CD6: variants seen among roughly 807,000 people sequenced by gnomAD.
CD6 encodes the protein T-cell differentiation antigen CD6.
A neutral mutation model predicts 75.3 loss-of-function variants in CD6; 53 were observed. The ratio of observed to expected loss-of-function variants is 0.70; its 90% CI spans 0.56 to 0.88. CD6 has a LOEUF of 0.88. Ranked by LOEUF, CD6 falls within the 40% of genes least tolerant of loss-of-function variation. The pLI, the probability that CD6 is intolerant of heterozygous loss-of-function variation, is 0.00. For missense variants in CD6, 770 were observed against 897.1 expected, an observed-to-expected ratio of 0.86 and a Z score of 1.81; for synonymous variants, 359 against 381.5, an observed-to-expected ratio of 0.94 and a Z score of 0.69.
chr11:61,007,780 C>G lies in CD6; in HGVS notation c.339C>G (p.Thr113=), dbSNP rs1313742227. 8.1e-6 allele frequency: 12 copies of G among 1,472,434 alleles called. No homozygotes were observed. The highest frequency in any genetic ancestry group is 1.8e-6 in the Non-Finnish European group (2 of 1,113,578). 91.2% of individuals were successfully genotyped at this position (1,472,434 alleles called of 1,614,324 possible). ...CGCCCCCGCCTGCAGCCGGGAACACCAGCGTAGCAGCTAATGCCACTCTGG... is the reference window on the plus strand; with the variant it reads ...CGCCCCCGCCTGCAGCCGGGAACACGAGCGTAGCAGCTAATGCCACTCTGG... The part of the protein sequence containing the change: ...ELPPPPAAGN[T]SVAANATLAG... The change falls in exon 3 of 13, where the codon ACC becomes ACG. Residue 113 remains threonine, a synonymous_variant. Coordinates refer to ENST00000313421, the MANE Select transcript of CD6 (RefSeq NM_006725.5). This position sits in a 1 kb window ranked among gnomAD's most constrained non-coding sequence, Gnocchi z 4.2.
intron 1 of CD6, among the ~76,000 whole-genome samples, chr11:60,981,678 G>C (rs1022645910): frequency 1.3e-5 from 2 of 152,184 alleles, no homozygotes. Flanking sequence ...GACTGGGACC[G>C]GGCAGGCGCT....
At position 61,009,675 on chromosome 11, in the gene CD6, C is replaced by T; in HGVS notation, c.885C>T (p.Tyr295=). 1.2e-6 allele frequency: 2 copies of T among 1,614,064 alleles called. No homozygotes were observed. Among genetic ancestry groups the T allele is most frequent in the Non-Finnish European group, 1.7e-6 (2 of 1,180,014 alleles). Reference sequence around the variant, plus strand: ...ACACAGTGTGTGACAGTGAGTGGTACCCATCGGAGGCCAAGGTGCTCTGCC... The same window carrying T: ...ACACAGTGTGTGACAGTGAGTGGTATCCATCGGAGGCCAAGGTGCTCTGCC... ...VWNTVCDSEW[Y]PSEAKVLCQS... The change falls in exon 5 of 13, where the codon TAC becomes TAT. Residue 295 remains tyrosine, a synonymous_variant. Transcript: ENST00000313421.
chr11:60,982,820 A>C (rs1857629786), intron 1 of CD6: 4 of 341,734 alleles, frequency 1.2e-5, no homozygotes, highest in South Asian at 6.8e-5. Context: ...AGGGCTGAGA[A>C]GCCCAGTCTG....
chr11:61,014,923 G>A (rs117386571), intron 8 of CD6, among the ~76,000 whole-genome samples: 58 of 152,230 alleles, frequency 3.8e-4, no homozygotes, highest in Non-Finnish European at 6.0e-4. Context: ...CCTTTGCACA[G>A]AGAGTCCATA....
chr11:61,005,950 A>G (rs1359245655), intron 1 of CD6, among the ~76,000 whole-genome samples: 1 of 150,522 alleles, frequency 6.6e-6, no homozygotes, highest in Non-Finnish European at 1.5e-5. Context: ...AAAAAGAAAG[A>G]AAGAAAGAAA....
chr11:61,018,968 G>A, intron 12 of CD6: 1 of 391,994 alleles, frequency 2.6e-6, no homozygotes. Context: ...CAGCTGGTTG[G>A]CTCCTTGGGG....
At position 61,009,768 on chromosome 11, in the gene CD6, G is replaced by A. The variant is rs776993407; in HGVS notation, c.978G>A (p.Met326Ile). 1.6e-5 allele frequency: 26 copies of A among 1,613,554 alleles called. No individual in the cohort carries two copies. The highest frequency in any genetic ancestry group is 1.7e-6 in the Non-Finnish European group (2 of 1,179,874). The stretch of plus-strand genomic sequence containing the variant: ...TGCCCCACTCCTTGTCCGGCAGGAT[G>A]TACTACTCATGCAATGGGGAGGAGC... ...KGLPHSLSGR[M>I]YYSCNGEELT... is the part of the protein sequence containing the mutation. Residue 326 changes from methionine to isoleucine, a missense_variant, in exon 5 of 13, where the codon ATG (methionine) becomes ATA (isoleucine). Met to Ile is a conservative substitution (Grantham distance 10). Coordinates refer to ENST00000313421, the MANE Select transcript of CD6 (RefSeq NM_006725.5).
Position 61,013,974 on chromosome 11 carries a change from C to G in CD6, c.1347C>G (p.Ser449Arg), listed in dbSNP as rs773782815. The change falls in exon 8 of 13, where the codon AGC (serine) becomes AGG (arginine). Residue 449 changes from serine (S) to arginine (R), a missense_variant. Physicochemically the swap from Ser to Arg is moderately radical, Grantham distance 110. Coordinates refer to ENST00000313421, the MANE Select transcript of CD6 (RefSeq NM_006725.5). ...QHLPTTIPAGSNSYQPVPITI... is the reference protein window; with the variant it reads ...QHLPTTIPAGRNSYQPVPITI... ...TACCCACCACCATCCCGGCAGGGAG[C>G]AATAGCTATCAACCGGTCCCCATCA... The G allele has an allele frequency of 1.2e-6, 2 of 1,613,752 alleles. No individual in the cohort carries two copies. Among genetic ancestry groups the G allele is most frequent in the Admixed American group, 3.3e-5 (2 of 59,946 alleles).
chr11:61,005,134 T>C (rs960127029), intron 1 of CD6, among the ~76,000 whole-genome samples: 8 of 152,218 alleles, frequency 5.3e-5, no homozygotes, highest in Admixed American at 2.6e-4. Context: ...CACGCATCAG[T>C]TGGGTTCCCA....
chr11:60,976,780 C>T (rs1392953919), intron 1 of CD6, among the ~76,000 whole-genome samples: 1 of 152,180 alleles, frequency 6.6e-6, no homozygotes, highest in Non-Finnish European at 1.5e-5. Flanking sequence ...GGCTCCTTGA[C>T]CTATGAACTC....
chr11:61,007,545 G>A lies in CD6; in HGVS notation c.119-15G>A, dbSNP rs1257238563. 2 of 1,469,424 alleles carry A rather than the reference G, an allele frequency of 1.4e-6. No individual in the cohort carries two copies. The highest frequency in any genetic ancestry group is 2.5e-5 in the Admixed American group (1 of 40,388). The allele number at this position is 1,469,424 out of a possible 1,614,324, so 91.0% of individuals were successfully genotyped here. A position where few individuals can be genotyped will look rare whatever the true frequency, so the allele number is the denominator to read the frequency against. ...AGGCCCCACCGGTCTCAGCTCTCTG[G>A]TCTGACACTTCCAGGGGAGCGGCTT... On this transcript the variant is annotated splice_polypyrimidine_tract_variant and intron_variant, in intron 2 of 12. Transcript: ENST00000313421. The surrounding 1 kb of genome is among the most constrained non-coding windows in gnomAD (Gnocchi z 4.2).
At chr11:61,009,979 AT>A (rs1388110589) in intron 5 of CD6, 105 bp downstream of exon 5, 10 of 1,049,160 alleles carry the variant, frequency 9.5e-6, no homozygotes, top group Non-Finnish European at 1.4e-5. Flanking sequence ...CAGATCGGCA[AT>A]GGCACATATG....
rs1449589773 is a variant in CD6, at chr11:61,008,726, G to A, written c.662G>A (p.Gly221Glu). The part of the protein sequence containing the change: ...LPGLHFTPGR[G>E]PIHRDQVNCS... ...GGCTTGCACTTCACGCCCGGCCGCG[G>A]GCCTATCCACCGGGACCAGGTGAAC... Residue 221 changes from glycine (G) to glutamate (E), a missense_variant, in exon 4 of 13, where the codon GGG becomes GAG. By Grantham distance (98) the Gly-to-Glu change is moderately conservative (BLOSUM62 -2). Transcript: ENST00000313421. 15 of 1,608,714 alleles carry A rather than the reference G, an allele frequency of 9.3e-6. No homozygotes were observed. The highest frequency in any genetic ancestry group is 1.1e-5 in the Non-Finnish European group (13 of 1,177,858).
chr11:60,998,749 C>T (rs998463020), intron 1 of CD6, among the ~76,000 whole-genome samples: 1 of 151,954 alleles, frequency 6.6e-6, no homozygotes, highest in African/African-American at 2.4e-5. Flanking sequence ...TCAAGCTAGC[C>T]CACATGTCCC....
rs989718758 is a variant in CD6, at chr11:61,007,645, C to T, written c.204C>T (p.Pro68=). Residue 68 remains proline, a synonymous_variant, in exon 3 of 13, where the codon CCC becomes CCT. Transcript: ENST00000313421. The surrounding 1 kb of genome is among the most constrained non-coding windows in gnomAD (Gnocchi z 4.2). The part of the protein sequence containing the change: ...VEVRLEASWE[P]ACGALWDSRA... ...TGCGGCTCGAGGCGTCCTGGGAGCCCGCGTGCGGGGCGCTCTGGGACAGCC... is the reference window on the plus strand; with the variant it reads ...TGCGGCTCGAGGCGTCCTGGGAGCCTGCGTGCGGGGCGCTCTGGGACAGCC... The T allele has an allele frequency of 4.1e-6, 6 of 1,466,900 alleles. No individual in the cohort carries two copies. The Admixed American group carries it at 1.5e-4, about 37-fold the overall frequency. The allele number at this position is 1,466,900 out of a possible 1,614,324, so 90.9% of individuals were successfully genotyped here.
intron 1 of CD6, among the ~76,000 whole-genome samples, chr11:60,978,649 T>C (rs1334630132): frequency 6.6e-6 from 1 of 152,176 alleles, no homozygotes; most frequent in Non-Finnish European, 1.5e-5. Flanking sequence ...GAGCAGGGCA[T>C]CTGGCTGTAC....
chr11:60,983,994 C>T (rs1019306646), intron 1 of CD6, among the ~76,000 whole-genome samples: 8 of 151,968 alleles, frequency 5.3e-5, no homozygotes, highest in Non-Finnish European at 1.2e-4. Context: ...CACAGAAGCA[C>T]GTTTTGTCCT....
chr11:61,015,857 C>T lies in CD6; in HGVS notation c.1510+22C>T, dbSNP rs774801450. Reference sequence around the variant, plus strand: ...TACAGTGAGTGCCTGGCCGGGCTCCCGAGGGCCCACCTACCTGAATCTGGG... The same window carrying T: ...TACAGTGAGTGCCTGGCCGGGCTCCTGAGGGCCCACCTACCTGAATCTGGG... On this transcript the variant is annotated intron_variant, in intron 9 of 12. Transcript: ENST00000313421. 7.4e-6 allele frequency: 12 copies of T among 1,612,922 alleles called. No homozygotes were observed. In the Admixed American group the frequency reaches 8.3e-5, roughly 11 times the overall value.
chr11:60,987,940 G>A (rs1857895717), intron 1 of CD6: 1 of 152,260 alleles, frequency 6.6e-6, no homozygotes, highest in Non-Finnish European at 1.5e-5. Context: ...CTAGCTGAGA[G>A]AATGGAATGA....
Sources: allele counts gnomAD v4.1 joint callset (sites outside exome capture counted in the v4.1 genomes callset), GRCh38; gene constraint gnomAD v4.1.1; non-coding constraint Gnocchi (gnomAD v3.1); transcripts MANE v1.5; gene names NCBI Gene and HGNC (gene_info 2026-07-23, HGNC 2026-07-21).